The following TENM4 variants were observed in gnomAD, a reference collection of about 807,000 sequenced individuals.
The protein encoded by TENM4 is teneurin transmembrane protein 4.
TENM4 carries 82 observed loss-of-function variants against 243.3 expected under a neutral mutation model. That is an observed-to-expected ratio of 0.34 (90% CI 0.28 to 0.40). TENM4 has a LOEUF of 0.40. TENM4 is among the 10% of genes least tolerant of loss of function. The pLI is 1.00. For missense variants in TENM4, 3,138 were observed against 3,673.3 expected, an observed-to-expected ratio of 0.85 and a Z score of 3.77; for synonymous variants, 1,412 against 1,456.3, an observed-to-expected ratio of 0.97 and a Z score of 0.69.
At chr11:78,701,389 G>T in intron 28 of TENM4, 137 bp downstream of exon 28, 1 of 1,189,566 alleles carries the variant, frequency 8.4e-7, no homozygotes. Flanking sequence ...TGTGGAATAT[G>T]AACATGTAGA....
intron 3 of TENM4, among the ~76,000 whole-genome samples, chr11:79,181,679 A>G (rs890184160): frequency 6.6e-6 from 1 of 151,976 alleles, no homozygotes; most frequent in Non-Finnish European, 1.5e-5. Context: ...ATAATTGCCT[A>G]TGTAAAAGTC....
chr11:78,964,494 G>GACCAA (rs1183876655), intron 6 of TENM4, among the ~76,000 whole-genome samples: 1 of 152,118 alleles, frequency 6.6e-6, no homozygotes, highest in African/African-American at 2.4e-5. Flanking sequence ...TACAACCTCT[G>GACCAA]GGTGGCTTCT....
At chr11:78,740,950 T>C (rs1199745965) in intron 19 of TENM4, among the ~76,000 whole-genome samples, 3 of 152,232 alleles carry the variant, frequency 2.0e-5, no homozygotes. Flanking sequence ...TGGATTGCTT[T>C]TGGATTCTGG....
At chr11:79,250,325 A>T (rs569938359) in intron 2 of TENM4, among the ~76,000 whole-genome samples, 4 of 152,330 alleles carry the variant, frequency 2.6e-5, no homozygotes, top group African/African-American at 9.6e-5. Context: ...TAGAAATTCA[A>T]TTGTGAGGCT....
chr11:78,730,281 G>C (rs1474589214), intron 21 of TENM4, among the ~76,000 whole-genome samples: 2 of 152,232 alleles, frequency 1.3e-5, no homozygotes, highest in South Asian at 4.1e-4. Context: ...TAAGCAGGAA[G>C]GATGGTTTCT....
chr11:79,425,201 A>C (rs372085409), intron 1 of TENM4, among the ~76,000 whole-genome samples: 1 of 152,140 alleles, frequency 6.6e-6, no homozygotes, highest in Admixed American at 6.5e-5. Context: ...CTAAGGATCA[A>C]GGTGAGGAGT....
intron 1 of TENM4, among the ~76,000 whole-genome samples, chr11:79,386,763 A>C (rs111958492): frequency 5.1e-5 from 2 of 38,878 alleles, no homozygotes; most frequent in African/African-American, 1.5e-4. Context: ...TTTTTTTTTT[A>C]AGTGAGCAAA....
chr11:78,995,693 CTTT>C (rs1338103363), intron 6 of TENM4, among the ~76,000 whole-genome samples: 1 of 140,710 alleles, frequency 7.1e-6, no homozygotes, highest in Non-Finnish European at 1.5e-5. Context: ...AACATCACTG[CTTT>C]TTTTTTTTTT....
chr11:78,706,102 A>G (rs117142485), intron 27 of TENM4, among the ~76,000 whole-genome samples: 1,810 of 152,324 alleles, frequency 0.012, 19 homozygotes, highest in Non-Finnish European at 0.017. Flanking sequence ...CTTATCTATA[A>G]AATGGGGGTA....
At chr11:79,131,805 T>C (rs1862008047) in intron 4 of TENM4, among the ~76,000 whole-genome samples, 1 of 152,024 alleles carries the variant, frequency 6.6e-6, no homozygotes, top group Non-Finnish European at 1.5e-5. Flanking sequence ...TACCTAGCAG[T>C]AAGGACTCAC....
At chr11:78,987,336 G>A (rs1857941701) in intron 6 of TENM4, among the ~76,000 whole-genome samples, 1 of 152,140 alleles carries the variant, frequency 6.6e-6, no homozygotes, top group Admixed American at 6.5e-5. Flanking sequence ...AAATGCAACA[G>A]CATGGATGCA....
At chr11:79,333,546 GCT>G (rs1479190168) in intron 1 of TENM4, among the ~76,000 whole-genome samples, 1 of 152,132 alleles carries the variant, frequency 6.6e-6, no homozygotes, top group Non-Finnish European at 1.5e-5. Context: ...CTAACTTAGG[GCT>G]CTCTCCTTTT....
chr11:78,915,599 T>C (rs1487596487), intron 6 of TENM4, among the ~76,000 whole-genome samples: 9 of 152,144 alleles, frequency 5.9e-5, no homozygotes, highest in Non-Finnish European at 1.3e-4. Flanking sequence ...ATAATTGAGA[T>C]GGGCATAAAC....
chr11:79,327,390 A>G (rs1856991706), intron 1 of TENM4, among the ~76,000 whole-genome samples: 1 of 152,182 alleles, frequency 6.6e-6, no homozygotes, highest in Non-Finnish European at 1.5e-5. Flanking sequence ...CCAATAGCAA[A>G]AGTACATTGG....
intron 2 of TENM4, among the ~76,000 whole-genome samples, chr11:79,277,713 G>C (rs1311259450): frequency 6.6e-6 from 1 of 152,146 alleles, no homozygotes; most frequent in African/African-American, 2.4e-5. Flanking sequence ...TAACTTATTA[G>C]GCCTGTCTGA....
chr11:79,138,510 ATATAT>A (rs1392161874), intron 4 of TENM4, among the ~76,000 whole-genome samples: 1 of 117,612 alleles, frequency 8.5e-6, no homozygotes, highest in East Asian at 2.2e-4. Flanking sequence ...ATATATTAAA[ATATAT>A]TATATTTATA....
intron 3 of TENM4, among the ~76,000 whole-genome samples, chr11:79,177,144 T>A (rs1329946046): frequency 6.6e-6 from 1 of 152,152 alleles, no homozygotes; most frequent in East Asian, 1.9e-4. Context: ...CCTTTTTTTT[T>A]TCAAAGCAGT....
rs1209896347 is a variant in TENM4 at position 78,786,978 on chromosome 11, G to A, written c.2285C>T (p.Pro762Leu). Residue 762 changes from proline (P) to leucine (L), a missense_variant, in exon 16 of 34, where the codon CCG becomes CTG. Pro to Leu is a moderately conservative substitution (Grantham distance 98). This residue lies in a region of TENM4 where 2,467 missense variants were observed against 3,059.1 expected (regional missense o/e 0.81). Coordinates refer to ENST00000278550, the MANE Select transcript of TENM4 (RefSeq NM_001098816.3). ...GAACDQRACH[P>L]RCAEHGTCRD... ...GCAGGTCCCATGCTCGGCACAGCGCGGGTGGCAGGCCCGCTGGTCGCAGGC... is the reference window on the plus strand; with the variant it reads ...GCAGGTCCCATGCTCGGCACAGCGCAGGTGGCAGGCCCGCTGGTCGCAGGC... 1.8e-5 allele frequency: 28 copies of A among 1,587,660 alleles called. No homozygotes were observed. Among genetic ancestry groups the A allele is most frequent in the Admixed American group, 1.2e-4 (7 of 57,152 alleles).
At chr11:79,152,929 G>A (rs762725297) in intron 3 of TENM4, among the ~76,000 whole-genome samples, 3 of 152,162 alleles carry the variant, frequency 2.0e-5, no homozygotes, top group Non-Finnish European at 2.9e-5. Context: ...GCAGAAGAAA[G>A]GTATACACTG....
Sources: gnomAD v4.1 joint callset for allele counts (sites outside exome capture counted in the v4.1 genomes callset) on GRCh38, gnomAD v4.1.1 for gene constraint, gnomAD v4.1.1 regional missense constraint, MANE v1.5 for transcripts, NCBI Gene and HGNC (gene_info 2026-07-23, HGNC 2026-07-21) for gene names.